Variants in C2orf76 observed in about 807,000 individuals in gnomAD.
C2orf76 encodes the protein chromosome 2 open reading frame 76.
A neutral mutation model predicts 16.9 loss-of-function variants in C2orf76; 23 were observed. The observed-to-expected ratio is 1.36, with a 90% CI of 0.98 to 1.93. The LOEUF (loss-of-function observed/expected upper bound fraction) is 1.93, where lower values mean the gene tolerates loss of function less well. Among genes scored for constraint, C2orf76 ranks in the 30% most tolerant of loss-of-function variants. The probability of loss-of-function intolerance (pLI) is 0.00; values close to 1 mark genes in which losing one functional copy is unlikely to be tolerated. For synonymous variants in C2orf76, 48 were observed against 52.3 expected (o/e 0.92, Z 0.35); for missense variants, 152 against 152.6 (o/e 1.00, Z 0.02).
chr2:119,329,141 A>T (rs1440362469), intron 2 of C2orf76, among the ~76,000 whole-genome samples: 1 of 151,928 alleles, frequency 6.6e-6, no homozygotes, highest in Non-Finnish European at 1.5e-5. Flanking sequence ...ATCCTTACTG[A>T]TTTTCTATTT....
chr2:119,296,820 G>A, the C2orf76 span, among the ~76,000 whole-genome samples: 5 of 152,352 alleles, frequency 3.3e-5, no homozygotes, highest in South Asian at 8.3e-4. Flanking sequence ...ATAGAAAAAT[G>A]CCTGTAAAGG....
At chr2:119,301,918 TA>T (rs34452099), downstream of C2orf76, among the ~76,000 whole-genome samples, 792 of 138,784 alleles carry the variant, frequency 5.7e-3, 4 homozygotes, top group Middle Eastern at 0.014. Flanking sequence ...TGCAATACTT[TA>T]AAAAAAAAAA....
chr2:119,284,871 T>C, the C2orf76 span, among the ~76,000 whole-genome samples: 3 of 152,280 alleles, frequency 2.0e-5, no homozygotes, highest in South Asian at 2.1e-4. Flanking sequence ...TGAATATCTA[T>C]AGGTAGCATA....
chr2:119,310,271 C>T (rs1678939848), intron 5 of C2orf76, among the ~76,000 whole-genome samples: 1 of 152,098 alleles, frequency 6.6e-6, no homozygotes, highest in Admixed American at 6.5e-5. Context: ...AAAGGTGCCA[C>T]CTGCTACAAT....
chr2:119,366,522 TCCGGGGGTCTCCTC>T (rs1362078422), intron 1 of C2orf76: 1 of 471,264 alleles, frequency 2.1e-6, no homozygotes, highest in Non-Finnish European at 4.4e-6. Context: ...AGGGACCATC[TCCGGGGGTCTCCTC>T]TAGACCCCAA....
At chr2:119,350,579 T>C (rs752989418) in intron 1 of C2orf76, among the ~76,000 whole-genome samples, 155 of 152,232 alleles carry the variant, frequency 1.0e-3, no homozygotes, top group African/African-American at 3.1e-4. Flanking sequence ...CAGTAACCAC[T>C]GCATCAGAGC....
intron 2 of C2orf76, among the ~76,000 whole-genome samples, chr2:119,335,402 A>G (rs577993364): frequency 2.0e-5 from 3 of 152,350 alleles, no homozygotes; most frequent in African/African-American, 7.2e-5. Context: ...GGCATGTACA[A>G]GATGAGTCTG....
At chr2:119,363,220 C>T (rs773277124) in intron 1 of C2orf76, among the ~76,000 whole-genome samples, 1 of 151,994 alleles carries the variant, frequency 6.6e-6, no homozygotes, top group Non-Finnish European at 1.5e-5. Flanking sequence ...GTCAGGAGAT[C>T]GAGACCAACC....
the C2orf76 span, among the ~76,000 whole-genome samples, chr2:119,289,830 C>CGGTA: frequency 6.6e-6 from 1 of 151,934 alleles, no homozygotes; most frequent in Non-Finnish European, 1.5e-5. Context: ...AGCCCTCTGC[C>CGGTA]GGTAGTAGTT....
intron 2 of C2orf76, among the ~76,000 whole-genome samples, chr2:119,334,581 T>C (rs1445174947): frequency 6.6e-6 from 1 of 151,334 alleles, no homozygotes; most frequent in Non-Finnish European, 1.5e-5. Context: ...TCCCAGCTAC[T>C]CAGGAGGCTA....
Position 119,321,188 on chromosome 2 carries a change from G to T in C2orf76, c.150C>A (p.Thr50=). 6.9e-7 allele frequency: 1 copy of T among 1,440,036 alleles called. No individual in the cohort carries two copies. Among genetic ancestry groups the T allele is most frequent in the Non-Finnish European group, 9.4e-7 (1 of 1,060,068 alleles). 89.2% of individuals were successfully genotyped at this position (1,440,036 alleles called of 1,614,324 possible). The change falls in exon 3 of 6, where the codon ACC becomes ACA. Residue 50 remains threonine, a synonymous_variant. Transcript: ENST00000334816. ...VFLKQDIPLR[T]NLPPPFRNYK... is the part of the protein sequence containing the mutation. ...AATTTCTGAATGGTGGTGGCAGGTT[G>T]GTCCTTAAAGGGATATCTACAAGAG... is the stretch of plus-strand genomic sequence containing the variant.
chr2:119,346,054 C>CAAAAAAAAAA (rs56669262), intron 1 of C2orf76, among the ~76,000 whole-genome samples: 2 of 73,518 alleles, frequency 2.7e-5, no homozygotes, highest in Non-Finnish European at 2.9e-5. Flanking sequence ...GACGCCATCT[C>CAAAAAAAAAA]AAAAAAAAAA....
chr2:119,298,761 A>C (rs143874143), downstream of C2orf76, among the ~76,000 whole-genome samples: 362 of 152,200 alleles, frequency 2.4e-3, 1 homozygote, highest in Middle Eastern at 0.01. Flanking sequence ...AATACATTTT[A>C]GGTTCAGCAC....
Position 119,302,495 on chromosome 2 carries a change from C to T in C2orf76, c.358G>A (p.Ala120Thr). The T allele has an allele frequency of 6.8e-7, 1 of 1,477,366 alleles. No individual in the cohort carries two copies. The highest frequency in any genetic ancestry group is 9.3e-7 in the Non-Finnish European group (1 of 1,078,378). The allele number at this position is 1,477,366 out of a possible 1,614,324, so 91.5% of individuals were successfully genotyped here. ...FCEEDYKNYK[A>T]NPISSW ...TTTCACCAGGATGAAATGGGATTAG[C>T]TTTGTAGTTCTTATAATCTTCTTCA... The change falls in exon 6 of 6, where the codon GCT (alanine) becomes ACT (threonine). Residue 120 changes from alanine to threonine, a missense_variant. Physicochemically the swap from Ala to Thr is moderately conservative, Grantham distance 58. Transcript: ENST00000334816.
intron 1 of C2orf76, among the ~76,000 whole-genome samples, chr2:119,340,788 ACACACACACACAC>A (rs1680002112): frequency 6.6e-6 from 1 of 151,372 alleles, no homozygotes; most frequent in Non-Finnish European, 1.5e-5. Flanking sequence ...ACACACACAC[ACACACACACACAC>A]AAATTGGAAA....
chr2:119,319,150 A>T (rs1382221345), intron 3 of C2orf76, among the ~76,000 whole-genome samples: 1 of 152,126 alleles, frequency 6.6e-6, no homozygotes, highest in Non-Finnish European at 1.5e-5. Flanking sequence ...GACCTTACTA[A>T]ATATTAATCC....
At chr2:119,296,408 T>C in the C2orf76 span, among the ~76,000 whole-genome samples, 1 of 152,112 alleles carries the variant, frequency 6.6e-6, no homozygotes, top group Non-Finnish European at 1.5e-5. Context: ...CATGCATACA[T>C]GTATGCATGT....
At chr2:119,318,618 C>A (rs1679252034) in intron 3 of C2orf76, among the ~76,000 whole-genome samples, 1 of 151,962 alleles carries the variant, frequency 6.6e-6, no homozygotes, top group Non-Finnish European at 1.5e-5. Flanking sequence ...CAAGCTCCAC[C>A]TCCCAAGTTC....
intron 1 of C2orf76, among the ~76,000 whole-genome samples, chr2:119,345,170 G>A (rs1038762818): frequency 6.6e-6 from 1 of 152,124 alleles, no homozygotes; most frequent in African/African-American, 2.4e-5. Context: ...ACATAAAAAT[G>A]TAAAAAGAGA....
Sources: allele counts gnomAD v4.1 joint callset (sites outside exome capture counted in the v4.1 genomes callset), GRCh38; gene constraint gnomAD v4.1.1; transcripts MANE v1.5; gene names NCBI Gene and HGNC (gene_info 2026-07-23, HGNC 2026-07-21).